Variants in WAC observed in about 807,000 individuals in gnomAD.
WAC encodes the protein WW domain containing adaptor with coiled-coil, also known as WW domain-containing adapter protein with coiled-coil.
WAC carries 11 observed loss-of-function variants against 79.6 expected under a neutral mutation model. The observed-to-expected ratio is 0.14, with a 90% confidence interval of 0.09 to 0.23. The LOEUF is 0.23. Ranked by LOEUF, WAC falls within the 10% of genes least tolerant of loss-of-function variation. The pLI is 1.00. For missense variants in WAC, 728 were observed against 773.5 expected (o/e 0.94, Z 0.70); for synonymous variants, 304 against 276.9 (o/e 1.10, Z -0.97).
At position 28,541,415 on chromosome 10, in the gene WAC, G is replaced by GTTTTTTTTTTTTTT. The variant is rs143772149; in HGVS notation, c.274+5662_274+5663insTTTTTTTTTTTTTT. ...TTTTTGTGGGGTTGTGTGTGTGTGTGTTTTGTTTTTTTTTTTTTTTTTTTT... is the reference window on the plus strand; with the variant it reads ...TTTTTGTGGGGTTGTGTGTGTGTGTGTTTTTTTTTTTTTTTTTTGTTTTTTTTTTTTTTTTTTTT... On this transcript the variant is annotated intron_variant, in intron 3 of 13. Transcript: ENST00000354911. Among the ~76,000 whole-genome samples, 9 of 37,890 alleles carry GTTTTTTTTTTTTTT rather than the reference G, an allele frequency of 2.4e-4. 3 individuals are homozygous for GTTTTTTTTTTTTTT. Among genetic ancestry groups the GTTTTTTTTTTTTTT allele is most frequent in the Non-Finnish European group, 3.8e-4 (9 of 23,614 alleles). The allele number at this position is 37,890 out of a possible 152,430, so 24.9% of individuals were successfully genotyped here.
chr10:28,593,403 T>G (rs775767350), intron 6 of WAC, among the ~76,000 whole-genome samples: 7 of 152,096 alleles, frequency 4.6e-5, no homozygotes, highest in Non-Finnish European at 1.0e-4. Context: ...TGTAAAGAGA[T>G]AAAGTAGGTT....
At chr10:28,572,639 C>T (rs556761516) in intron 3 of WAC, among the ~76,000 whole-genome samples, 19 of 152,038 alleles carry the variant, frequency 1.2e-4, no homozygotes, top group South Asian at 4.1e-4. Flanking sequence ...GGTGAAACCC[C>T]GTCTCTACTA....
intron 3 of WAC, among the ~76,000 whole-genome samples, chr10:28,544,818 C>G (rs1345794915): frequency 6.6e-6 from 1 of 152,082 alleles, no homozygotes; most frequent in Non-Finnish European, 1.5e-5. Flanking sequence ...AATGCCAGCA[C>G]TTTGGGAGGC....
chr10:28,572,489 G>C (rs1839028050), intron 3 of WAC, among the ~76,000 whole-genome samples: 1 of 152,130 alleles, frequency 6.6e-6, no homozygotes, highest in Admixed American at 6.6e-5. Context: ...ATAGAGGAGA[G>C]TAGATACAGA....
At chr10:28,595,510 G>T (rs1258782708) in intron 6 of WAC, among the ~76,000 whole-genome samples, 1 of 151,770 alleles carries the variant, frequency 6.6e-6, no homozygotes, top group Non-Finnish European at 1.5e-5. Flanking sequence ...GAGTATAGAT[G>T]AATATTTATA....
In WAC at chr10:28,583,530, A is replaced by G. The variant is rs373349709; in HGVS notation, c.381+25A>G. ...AGTAAGTATTATAAACATGTCCAATATGGTTTCTTTGGAATTTTTTGCAAA... is the reference window on the plus strand; with the variant it reads ...AGTAAGTATTATAAACATGTCCAATGTGGTTTCTTTGGAATTTTTTGCAAA... On this transcript the variant is annotated intron_variant, in intron 4 of 13. Transcript: ENST00000354911. 2.3e-6 allele frequency: 3 copies of G among 1,290,790 alleles called. No homozygotes were observed. In the African/African-American group the frequency reaches 5.2e-5, roughly 23 times the overall value. The allele number at this position is 1,290,790 out of a possible 1,614,324, so 80.0% of individuals were successfully genotyped here. A position where few individuals can be genotyped will look rare whatever the true frequency, so the allele number is the denominator to read the frequency against.
At chr10:28,545,040 CAA>C (rs71391049) in intron 3 of WAC, among the ~76,000 whole-genome samples, 7,374 of 114,436 alleles carry the variant, frequency 0.064, 535 homozygotes, top group African/African-American at 0.2. Context: ...GACTCTGTCT[CAA>C]AAAAAAAAAA....
At chr10:28,540,098 T>C (rs1340761750) in intron 3 of WAC, among the ~76,000 whole-genome samples, 1 of 152,188 alleles carries the variant, frequency 6.6e-6, no homozygotes, top group Non-Finnish European at 1.5e-5. Flanking sequence ...CTTTGAAATA[T>C]GCTTTGAGTT....
intron 5 of WAC, 122 bp from the exon 6 acceptor site, chr10:28,590,598 A>G: frequency 5.2e-6 from 4 of 765,498 alleles, no homozygotes; most frequent in Non-Finnish European, 8.3e-6. Flanking sequence ...TTAAATTATG[A>G]CCATGTTCAC....
intron 2 of WAC, among the ~76,000 whole-genome samples, chr10:28,534,510 T>C (rs1324081109): frequency 6.6e-6 from 1 of 152,240 alleles, no homozygotes; most frequent in East Asian, 1.9e-4. Flanking sequence ...ATTTTTGGTA[T>C]ACTTAATTGC....
In WAC at chr10:28,619,543, A is replaced by G. The variant is rs745796711; in HGVS notation, c.1881A>G (p.Leu627=). 5.1e-6 allele frequency: 8 copies of G among 1,578,894 alleles called. No individual in the cohort carries two copies. The highest frequency in any genetic ancestry group is 6.8e-6 in the Non-Finnish European group (8 of 1,169,836). The change falls in exon 14 of 14, where the codon CTA becomes CTG. Residue 627 remains leucine (L), a synonymous_variant. Coordinates refer to ENST00000354911, the MANE Select transcript of WAC (RefSeq NM_016628.5). ...GTCTGCTTTTTTTTTTCAGGATACT[A>G]TTTTTGAGACAACAAATTAAGGAAC... is the stretch of plus-strand genomic sequence containing the variant. The part of the protein sequence containing the change: ...IQATLREQRI[L]FLRQQIKELE...
chr10:28,564,092 C>T (rs899690979), intron 3 of WAC, among the ~76,000 whole-genome samples: 7 of 151,894 alleles, frequency 4.6e-5, no homozygotes, highest in African/African-American at 1.5e-4. Flanking sequence ...TGGGCAACTC[C>T]ATCTTTACCA....
chr10:28,612,179 G>C (rs992274021), intron 10 of WAC, among the ~76,000 whole-genome samples: 10 of 152,144 alleles, frequency 6.6e-5, no homozygotes, highest in African/African-American at 2.4e-4. Flanking sequence ...TGGAGAGTGA[G>C]ATAAAGAGGA....
intron 3 of WAC, among the ~76,000 whole-genome samples, chr10:28,540,304 C>A (rs990791469): frequency 2.6e-5 from 4 of 152,086 alleles, no homozygotes; most frequent in Admixed American, 1.3e-4. Flanking sequence ...TCTCTAACTT[C>A]GGTAACTTGT....
At chr10:28,565,824 ACTT>A (rs1002655349) in intron 3 of WAC, among the ~76,000 whole-genome samples, 47 of 152,160 alleles carry the variant, frequency 3.1e-4, no homozygotes, top group African/African-American at 9.9e-4. Context: ...TAACAAATAC[ACTT>A]CTTGTTTAAT....
rs187177538 is a variant in WAC at position 28,535,277 on chromosome 10, A to G, written c.79-285A>G. ...AAATGATTCTAAATATTCTCAGCCA[A>G]ATTTTTTTATTTTTTGCAGAATCAG... On this transcript the variant is annotated intron_variant, in intron 2 of 13. Transcript: ENST00000354911. 7 of 246,550 alleles carry G rather than the reference A, an allele frequency of 2.8e-5. No individual in the cohort carries two copies. The East Asian group carries it at 3.2e-4, about 11-fold the overall frequency. 15.3% of individuals were successfully genotyped at this position (246,550 alleles called of 1,614,324 possible). A position where few individuals can be genotyped will look rare whatever the true frequency, so the allele number is the denominator to read the frequency against.
intron 3 of WAC, among the ~76,000 whole-genome samples, chr10:28,578,335 T>C (rs1194978045): frequency 6.6e-6 from 1 of 152,212 alleles, no homozygotes; most frequent in East Asian, 1.9e-4. Context: ...CTTTGAATTA[T>C]TTCATTTAGT....
chr10:28,579,949 G>A (rs1232077159), intron 3 of WAC, among the ~76,000 whole-genome samples: 1 of 151,682 alleles, frequency 6.6e-6, no homozygotes, highest in Non-Finnish European at 1.5e-5. Context: ...AACCTCTTAT[G>A]TGAATTTGAA....
chr10:28,592,879 A>G (rs539763452), intron 6 of WAC, among the ~76,000 whole-genome samples: 4 of 152,150 alleles, frequency 2.6e-5, no homozygotes, highest in Admixed American at 6.5e-5. Context: ...TTATTCAGCA[A>G]TGTGTCAGGA....
Sources: allele counts gnomAD v4.1 joint callset (sites outside exome capture counted in the v4.1 genomes callset), GRCh38; gene constraint gnomAD v4.1.1; transcripts MANE v1.5; gene names NCBI Gene and HGNC (gene_info 2026-07-23, HGNC 2026-07-21).